TRIM36: variants seen among roughly 807,000 people sequenced by gnomAD.
TRIM36 encodes tripartite motif containing 36.
Under a neutral mutation model 72.4 loss-of-function variants are expected in TRIM36, and 42 were observed. The ratio of observed to expected loss-of-function variants is 0.58; its 90% CI spans 0.45 to 0.75. The LOEUF is 0.75. TRIM36 is among the 30% of genes least tolerant of loss of function. The pLI is 0.00. For synonymous variants in TRIM36, 315 were observed against 282.8 expected (o/e 1.11, Z -1.14); for missense variants, 913 against 857.1 (o/e 1.07, Z -0.81).
At chr5:115,170,633 C>T (rs967546341), upstream of TRIM36, among the ~76,000 whole-genome samples, 1 of 152,252 alleles carries the variant, frequency 6.6e-6, no homozygotes, top group African/African-American at 2.4e-5. Context: ...ATCCCGCTTT[C>T]TGCTTCTATA....
intron 1 of TRIM36, chr5:115,179,933 G>A: frequency 1.3e-6 from 2 of 1,592,166 alleles, no homozygotes; most frequent in South Asian, 1.1e-5. Context: ...TAGTGCCGGA[G>A]TCGGGGGCCC....
chr5:115,149,176 T>C (rs914703806), intron 2 of TRIM36: 1 of 152,106 alleles, frequency 6.6e-6, no homozygotes, highest in Non-Finnish European at 1.5e-5. Flanking sequence ...CAGATAATAA[T>C]TCTAAAAGCA....
Position 115,133,852 on chromosome 5 carries a change from C to G in TRIM36, c.1498+8G>C. The G allele has an allele frequency of 6.4e-7, 1 of 1,568,376 alleles. No individual in the cohort carries two copies. Among genetic ancestry groups the G allele is most frequent in the East Asian group, 2.3e-5 (1 of 43,932 alleles). On this transcript the variant is annotated splice_region_variant and intron_variant, in intron 8 of 9. Coordinates refer to ENST00000513154, the MANE Select transcript of TRIM36 (RefSeq NM_001300759.2). ...CTATGCTTTTTTTATTCCTGATATT[C>G]ACCATACCTGGAGCTGGAGGAGTAT...
chr5:115,178,851 T>C (rs1755468169), intron 1 of TRIM36, among the ~76,000 whole-genome samples: 1 of 152,186 alleles, frequency 6.6e-6, no homozygotes, highest in Non-Finnish European at 1.5e-5. Flanking sequence ...CTTTTTAGGC[T>C]AAGAGTGCAT....
chr5:115,126,423 T>C lies in TRIM36; in HGVS notation c.*80A>G. Reference sequence around the variant, plus strand: ...AGTGGGGTGACAGAACACTCAGCGATATGTAATTAGTTACGAAGGTTAACG... The same window carrying C: ...AGTGGGGTGACAGAACACTCAGCGACATGTAATTAGTTACGAAGGTTAACG... On this transcript the variant is annotated 3_prime_UTR_variant, in exon 10 of 10. Coordinates refer to ENST00000513154, the MANE Select transcript of TRIM36 (RefSeq NM_001300759.2). 1 of 1,108,852 alleles carries C rather than the reference T, an allele frequency of 9.0e-7. No homozygotes were observed. Among genetic ancestry groups the C allele is most frequent in the Non-Finnish European group, 1.3e-6 (1 of 784,972 alleles). The allele number at this position is 1,108,852 out of a possible 1,614,324, so 68.7% of individuals were successfully genotyped here.
chr5:115,138,449 A>C (rs1444519301), intron 5 of TRIM36, among the ~76,000 whole-genome samples: 3 of 152,176 alleles, frequency 2.0e-5, no homozygotes, highest in Non-Finnish European at 4.4e-5. Flanking sequence ...CTTTACTAAG[A>C]TATAAAAATA....
At chr5:115,156,975 AAAC>A (rs530845828) in intron 2 of TRIM36, among the ~76,000 whole-genome samples, 126 of 152,330 alleles carry the variant, frequency 8.3e-4, no homozygotes, top group Admixed American at 1.6e-3. Flanking sequence ...CAATAAGAAA[AAAC>A]AATCCCATCA....
chr5:115,165,797 G>A (rs1230201774), intron 1 of TRIM36, among the ~76,000 whole-genome samples: 2 of 152,140 alleles, frequency 1.3e-5, no homozygotes, highest in African/African-American at 4.8e-5. Flanking sequence ...CGGGGGCCCA[G>A]GATGCCTCTC....
At chr5:115,175,649 T>G (rs1335352535) in intron 1 of TRIM36, among the ~76,000 whole-genome samples, 1 of 148,762 alleles carries the variant, frequency 6.7e-6, no homozygotes, top group Non-Finnish European at 1.5e-5. Flanking sequence ...AGGAGACACC[T>G]TTTTTTTTCA....
chr5:115,157,368 G>A (rs1178880185), intron 2 of TRIM36, among the ~76,000 whole-genome samples: 1 of 152,110 alleles, frequency 6.6e-6, no homozygotes, highest in Admixed American at 6.5e-5. Flanking sequence ...TTCGAGACCA[G>A]CCTGACTGAC....
chr5:115,170,008 A>C (rs1580710519), upstream of TRIM36: 5 of 1,067,538 alleles, frequency 4.7e-6, no homozygotes, highest in African/African-American at 1.7e-5. Context: ...AGTCGCACAA[A>C]AGAGGCGGGG....
At chr5:115,171,076 C>G (rs1292726849), upstream of TRIM36, 4 of 1,614,014 alleles carry the variant, frequency 2.5e-6, no homozygotes, top group Admixed American at 3.3e-5. Flanking sequence ...TAAGTAGGGA[C>G]TACAGAGCTG....
chr5:115,146,595 T>A (rs1580668826), intron 3 of TRIM36, among the ~76,000 whole-genome samples: 1 of 152,316 alleles, frequency 6.6e-6, no homozygotes, highest in South Asian at 2.1e-4. Flanking sequence ...AGATAACATA[T>A]AACCATTATA....
At chr5:115,137,254 C>A in intron 6 of TRIM36, 109 bp downstream of exon 6, 2 of 1,485,020 alleles carry the variant, frequency 1.3e-6, no homozygotes, top group South Asian at 1.4e-5. Context: ...GCAAGATGTA[C>A]CTCACATTAA....
At chr5:115,148,494 C>G (rs893344954) in intron 2 of TRIM36, 3 of 374,878 alleles carry the variant, frequency 8.0e-6, no homozygotes, top group Non-Finnish European at 1.1e-5. Flanking sequence ...TCACTGCAAC[C>G]TCTGCCTCCC....
At chr5:115,173,543 T>C (rs112993463), upstream of TRIM36, among the ~76,000 whole-genome samples, 1,343 of 151,930 alleles carry the variant, frequency 8.8e-3, 11 homozygotes, top group South Asian at 0.025. Context: ...TGTGTGTGTG[T>C]GCGCGCACGC....
intron 1 of TRIM36, among the ~76,000 whole-genome samples, chr5:115,164,225 C>A (rs1451407617): frequency 1.3e-5 from 2 of 152,078 alleles, no homozygotes; most frequent in Non-Finnish European, 2.9e-5. Flanking sequence ...TTCATGGAAA[C>A]CTAGTTGGTA....
upstream of TRIM36, among the ~76,000 whole-genome samples, chr5:115,174,625 C>T (rs1214087528): frequency 6.6e-6 from 1 of 152,138 alleles, no homozygotes; most frequent in African/African-American, 2.4e-5. Context: ...ACTACCTGGC[C>T]AAATCCTCCT....
At chr5:115,164,231 T>G (rs1173227486) in intron 1 of TRIM36, among the ~76,000 whole-genome samples, 1 of 152,210 alleles carries the variant, frequency 6.6e-6, no homozygotes, top group East Asian at 1.9e-4. Context: ...GAAACCTAGT[T>G]GGTATCTATT....
Sources: gnomAD v4.1 joint callset for allele counts (sites outside exome capture counted in the v4.1 genomes callset) on GRCh38, gnomAD v4.1.1 for gene constraint, MANE v1.5 for transcripts, NCBI Gene and HGNC (gene_info 2026-07-23, HGNC 2026-07-21) for gene names.